The following CSMD1 variants were observed in gnomAD, a reference collection of about 807,000 sequenced individuals.
CSMD1 encodes CUB and Sushi multiple domains 1.
In CSMD1, 213 loss-of-function variants were observed where a neutral mutation model predicts 417.5. The observed-to-expected ratio is 0.51, with a 90% CI of 0.46 to 0.57. CSMD1 has a LOEUF of 0.57. Ranked by LOEUF, CSMD1 falls within the 20% of genes least tolerant of loss-of-function variation. The pLI, the probability that CSMD1 is intolerant of heterozygous loss-of-function variation, is 0.00. For synonymous variants in CSMD1, 2,862 were observed against 1,736.8 expected (o/e 1.65, Z -16.11); for missense variants, 6,923 against 4,529.7 (o/e 1.53, Z -15.17).
intron 5 of CSMD1, among the ~76,000 whole-genome samples, chr8:3,825,709 G>A (rs1802019826): frequency 6.6e-6 from 1 of 152,140 alleles, no homozygotes; most frequent in Non-Finnish European, 1.5e-5. Flanking sequence ...ATAGTAGCTA[G>A]CTAAGGAAAA....
At chr8:3,006,023 C>A (rs560254271) in intron 52 of CSMD1, among the ~76,000 whole-genome samples, 6 of 152,166 alleles carry the variant, frequency 3.9e-5, no homozygotes, top group African/African-American at 1.4e-4. Flanking sequence ...CTAGAAAACC[C>A]CATTGTCTCA....
chr8:4,168,065 G>T (rs187753645), intron 3 of CSMD1, among the ~76,000 whole-genome samples: 3 of 151,968 alleles, frequency 2.0e-5, no homozygotes, highest in Admixed American at 6.6e-5. Flanking sequence ...GGAGGCAGAA[G>T]TTGTAGGGAG....
chr8:3,902,449 G>C (rs1807819402), intron 5 of CSMD1, among the ~76,000 whole-genome samples: 1 of 151,160 alleles, frequency 6.6e-6, no homozygotes, highest in Non-Finnish European at 1.5e-5. Flanking sequence ...TTTCATGAAA[G>C]ACATTTTTTT....
At chr8:4,196,126 G>C (rs1372416629) in intron 3 of CSMD1, among the ~76,000 whole-genome samples, 1 of 152,098 alleles carries the variant, frequency 6.6e-6, no homozygotes, top group Non-Finnish European at 1.5e-5. Context: ...CAGGAGAATG[G>C]CTTGAACCCG....
At chr8:3,641,645 G>T (rs140451929) in intron 7 of CSMD1, among the ~76,000 whole-genome samples, 1 of 152,160 alleles carries the variant, frequency 6.6e-6, no homozygotes, top group African/African-American at 2.4e-5. Context: ...AGCATTTATA[G>T]TCACGTAGGA....
At chr8:4,894,391 C>G (rs1222640693) in intron 1 of CSMD1, among the ~76,000 whole-genome samples, 3 of 151,760 alleles carry the variant, frequency 2.0e-5, no homozygotes, top group Non-Finnish European at 4.4e-5. Flanking sequence ...CATATTCTCT[C>G]TTTCACTCTT....
intron 3 of CSMD1, among the ~76,000 whole-genome samples, chr8:4,044,529 G>C (rs60952701): frequency 6.6e-6 from 1 of 152,292 alleles, no homozygotes; most frequent in South Asian, 2.1e-4. Flanking sequence ...AGGAGGAGCA[G>C]GACACTTCAT....
At chr8:3,390,341 C>G (rs183429707) in intron 17 of CSMD1, among the ~76,000 whole-genome samples, 1 of 98,988 alleles carries the variant, frequency 1.0e-5, no homozygotes, top group South Asian at 3.5e-4. Context: ...GGCGACAGAG[C>G]AAGACTCTGT....
At chr8:3,047,988 G>C (rs1230202719) in intron 50 of CSMD1, among the ~76,000 whole-genome samples, 1 of 152,186 alleles carries the variant, frequency 6.6e-6, no homozygotes, top group Non-Finnish European at 1.5e-5. Context: ...TGTTCATTTT[G>C]TCAATCTGTG....
intron 41 of CSMD1, among the ~76,000 whole-genome samples, chr8:3,129,708 G>C (rs1172371652): frequency 6.6e-6 from 1 of 151,826 alleles, no homozygotes; most frequent in Non-Finnish European, 1.5e-5. Flanking sequence ...GTGGAGCTGG[G>C]CCGGGCGGGG....
chr8:3,429,761 T>C (rs909441320), intron 12 of CSMD1, among the ~76,000 whole-genome samples: 8 of 152,198 alleles, frequency 5.3e-5, no homozygotes, highest in African/African-American at 1.9e-4. Flanking sequence ...ATAAAGTCTA[T>C]GGTTGTTGTT....
At chr8:3,812,552 C>G (rs1801145129) in intron 5 of CSMD1, among the ~76,000 whole-genome samples, 1 of 152,172 alleles carries the variant, frequency 6.6e-6, no homozygotes, top group Non-Finnish European at 1.5e-5. Context: ...TGAAATTCAA[C>G]TATCCTCGGA....
intron 2 of CSMD1, among the ~76,000 whole-genome samples, chr8:4,580,824 G>A (rs539071514): frequency 5.1e-4 from 78 of 152,216 alleles, no homozygotes; most frequent in African/African-American, 1.8e-3. Flanking sequence ...GTTGTATCTT[G>A]TACATACTGC....
intron 6 of CSMD1, among the ~76,000 whole-genome samples, chr8:3,737,862 G>C (rs368489457): frequency 5.3e-5 from 8 of 152,324 alleles, no homozygotes; most frequent in African/African-American, 1.9e-4. Flanking sequence ...TGTTAAGTCA[G>C]CCTTATTTAG....
chr8:4,968,921 C>T (rs1474905093), intron 1 of CSMD1, among the ~76,000 whole-genome samples: 1 of 152,170 alleles, frequency 6.6e-6, no homozygotes, highest in Non-Finnish European at 1.5e-5. Flanking sequence ...CAATGCTCAG[C>T]CCAAACATTT....
chr8:3,469,759 C>A (rs1272573458), intron 11 of CSMD1, among the ~76,000 whole-genome samples: 1 of 152,094 alleles, frequency 6.6e-6, no homozygotes, highest in African/African-American at 2.4e-5. Context: ...GTACAGAGCA[C>A]CGGATTCTTC....
chr8:3,993,041 G>A (rs919910214), intron 5 of CSMD1, among the ~76,000 whole-genome samples: 2 of 152,206 alleles, frequency 1.3e-5, no homozygotes, highest in Non-Finnish European at 2.9e-5. Context: ...TGGAGCCCTG[G>A]ACCAGAAAAG....
At chr8:4,063,551 A>G (rs1239835314) in intron 3 of CSMD1, among the ~76,000 whole-genome samples, 2 of 152,202 alleles carry the variant, frequency 1.3e-5, no homozygotes, top group African/African-American at 2.4e-5. Flanking sequence ...ATACTCCTTA[A>G]GAACCAGCCA....
intron 48 of CSMD1, among the ~76,000 whole-genome samples, chr8:3,088,337 A>C (rs1163705410): frequency 6.6e-6 from 1 of 152,224 alleles, no homozygotes; most frequent in Non-Finnish European, 1.5e-5. Flanking sequence ...GAATTTAAAC[A>C]ATACAACAGA....
Sources: allele counts gnomAD v4.1 joint callset (sites outside exome capture counted in the v4.1 genomes callset), GRCh38; gene constraint gnomAD v4.1.1; transcripts MANE v1.5; gene names NCBI Gene and HGNC (gene_info 2026-07-23, HGNC 2026-07-21).